Variants in CLMN observed in about 807,000 individuals in gnomAD.
CLMN encodes the protein calmin.
A neutral mutation model predicts 92.7 loss-of-function variants in CLMN; 57 were observed. The observed-to-expected ratio is 0.61, with a 90% CI of 0.50 to 0.77. The LOEUF is 0.77. Ranked by LOEUF, CLMN falls within the 30% of genes least tolerant of loss-of-function variation. CLMN has a pLI of 0.00. For missense variants in CLMN, 1,158 were observed against 1,237.5 expected, an observed-to-expected ratio of 0.94 and a Z score of 0.96; for synonymous variants, 466 against 470.6, an observed-to-expected ratio of 0.99 and a Z score of 0.13.
chr14:95,308,118 C>T (rs1160264371), intron 1 of CLMN, among the ~76,000 whole-genome samples: 1 of 152,228 alleles, frequency 6.6e-6, no homozygotes, highest in Non-Finnish European at 1.5e-5. Flanking sequence ...TTCATCTCCT[C>T]AATTTCTTCA....
At chr14:95,290,449 G>A (rs1028806997) in intron 1 of CLMN, among the ~76,000 whole-genome samples, 1 of 152,208 alleles carries the variant, frequency 6.6e-6, no homozygotes, top group Admixed American at 6.5e-5. Flanking sequence ...GGAAGACAGA[G>A]GGAGATGTGA....
At chr14:95,235,515 C>A (rs931119194) in intron 1 of CLMN, among the ~76,000 whole-genome samples, 1 of 152,164 alleles carries the variant, frequency 6.6e-6, no homozygotes, top group Admixed American at 6.5e-5. Flanking sequence ...CCAGGCTTAA[C>A]AGTCACTTGA....
chr14:95,266,242 T>C (rs1305673717), intron 1 of CLMN, among the ~76,000 whole-genome samples: 1 of 152,198 alleles, frequency 6.6e-6, no homozygotes, highest in Non-Finnish European at 1.5e-5. Flanking sequence ...GGCATCCAAA[T>C]GGAAAACGAA....
intron 3 of CLMN, among the ~76,000 whole-genome samples, chr14:95,223,280 G>A (rs533134182): frequency 6.6e-6 from 1 of 152,324 alleles, no homozygotes; most frequent in South Asian, 2.1e-4. Flanking sequence ...ACACAGCAGA[G>A]GGATGCAACA....
At chr14:95,282,526 G>A (rs1206956992) in intron 1 of CLMN, among the ~76,000 whole-genome samples, 1 of 152,230 alleles carries the variant, frequency 6.6e-6, no homozygotes, top group Non-Finnish European at 1.5e-5. Flanking sequence ...GGCTGAGCTG[G>A]TTCAGGCCCA....
chr14:95,292,811 A>G (rs1900627761), intron 1 of CLMN, among the ~76,000 whole-genome samples: 1 of 152,128 alleles, frequency 6.6e-6, no homozygotes, highest in Non-Finnish European at 1.5e-5. Context: ...GGAGGGCGAG[A>G]TGAAGCTCCA....
At chr14:95,284,383 G>C (rs1028686910) in intron 1 of CLMN, among the ~76,000 whole-genome samples, 3 of 152,170 alleles carry the variant, frequency 2.0e-5, no homozygotes, top group African/African-American at 7.2e-5. Context: ...GTCCCTACTG[G>C]GGCACTGCCT....
rs561909949 is a variant in CLMN, at chr14:95,283,358, G to C, written c.82+36353C>G. Among the ~76,000 whole-genome samples the C allele has an allele frequency of 2.1e-3, 317 of 152,244 alleles. 2 individuals are homozygous for C. Among genetic ancestry groups the C allele is most frequent in the Non-Finnish European group, 3.9e-3 (267 of 68,024 alleles). ...TAAACCTCTTTTTCTTCCCAGTCTCGGGTATGTCTTTATCAGCAGTGTGAA... is the reference window on the plus strand; with the variant it reads ...TAAACCTCTTTTTCTTCCCAGTCTCCGGTATGTCTTTATCAGCAGTGTGAA... On this transcript the variant is annotated intron_variant, in intron 1 of 12. Coordinates refer to ENST00000298912, the MANE Select transcript of CLMN (RefSeq NM_024734.4).
intron 1 of CLMN, among the ~76,000 whole-genome samples, chr14:95,235,012 T>C (rs1009248728): frequency 6.6e-6 from 1 of 152,180 alleles, no homozygotes; most frequent in African/African-American, 2.4e-5. Context: ...CATAAAAAAT[T>C]ATAAGCTCAT....
intron 1 of CLMN, chr14:95,307,441 T>A (rs1901334220): frequency 6.6e-6 from 1 of 152,350 alleles, no homozygotes. Context: ...AGCCTCAACC[T>A]AGGACTGCAG....
intron 1 of CLMN, among the ~76,000 whole-genome samples, chr14:95,309,054 T>C (rs59973853): frequency 0.066 from 9,962 of 152,024 alleles, 342 homozygotes; most frequent in Middle Eastern, 0.099. Context: ...CCGCGTTCAG[T>C]CAAGGAGGGA....
chr14:95,262,741 A>T (rs1284818817), intron 1 of CLMN, among the ~76,000 whole-genome samples: 2 of 151,676 alleles, frequency 1.3e-5, no homozygotes, highest in African/African-American at 4.8e-5. Context: ...TAATTTTTGT[A>T]TTTTTTCTAG....
intron 2 of CLMN, among the ~76,000 whole-genome samples, chr14:95,224,874 G>T (rs1044496211): frequency 5.3e-5 from 8 of 152,190 alleles, no homozygotes; most frequent in Middle Eastern, 3.2e-3. Flanking sequence ...AAGTCTGGAG[G>T]TGGTGGGACC....
intron 9 of CLMN, among the ~76,000 whole-genome samples, chr14:95,202,424 G>C (rs1217203212): frequency 6.6e-6 from 1 of 152,232 alleles, no homozygotes; most frequent in East Asian, 1.9e-4. Flanking sequence ...CAGGATAAGG[G>C]AGATGTGCTT....
chr14:95,281,304 G>T (rs571782118), intron 1 of CLMN, among the ~76,000 whole-genome samples: 1 of 152,144 alleles, frequency 6.6e-6, no homozygotes, highest in Non-Finnish European at 1.5e-5. Context: ...TAAAAAGAAG[G>T]CTATATGGCA....
At chr14:95,274,866 C>T (rs967110428) in intron 1 of CLMN, among the ~76,000 whole-genome samples, 3 of 151,734 alleles carry the variant, frequency 2.0e-5, no homozygotes, top group Admixed American at 6.6e-5. Context: ...GTAGTCCTAG[C>T]TACTCAGGAG....
intron 1 of CLMN, among the ~76,000 whole-genome samples, chr14:95,245,409 TAA>T (rs1566891550): frequency 6.7e-6 from 1 of 148,832 alleles, no homozygotes; most frequent in African/African-American, 2.5e-5. Context: ...GAATGTCTTA[TAA>T]ATCTTTGTAT....
At chr14:95,265,572 C>T (rs977479265) in intron 1 of CLMN, among the ~76,000 whole-genome samples, 3 of 152,236 alleles carry the variant, frequency 2.0e-5, no homozygotes, top group Non-Finnish European at 2.9e-5. Context: ...TGACTCCTGG[C>T]ACAGTGCGTG....
Position 95,210,824 on chromosome 14 carries a change from G to C in CLMN, c.664C>G (p.Leu222Val). ...GGGTCAATGGCCTTGATCACCGCCA[G>C]GAAAGCCAGCCCACTCCTCCAACTG... ...AGSWRSGLAF[L>V]AVIKAIDPSL... Residue 222 changes from leucine to valine, a missense_variant, in exon 7 of 13, where the codon CTG becomes GTG. Coordinates refer to ENST00000298912, the MANE Select transcript of CLMN (RefSeq NM_024734.4). 1 of 1,577,616 alleles carries C rather than the reference G, an allele frequency of 6.3e-7. No individual in the cohort carries two copies. Among genetic ancestry groups the C allele is most frequent in the South Asian group, 1.2e-5 (1 of 86,288 alleles).
Sources: allele counts gnomAD v4.1 joint callset (sites outside exome capture counted in the v4.1 genomes callset), GRCh38; gene constraint gnomAD v4.1.1; transcripts MANE v1.5; gene names NCBI Gene and HGNC (gene_info 2026-07-23, HGNC 2026-07-21).